RBMS3: variants seen among roughly 807,000 people sequenced by gnomAD.
The protein encoded by RBMS3 is RNA-binding motif, single-stranded-interacting protein 3.
In RBMS3, 27 loss-of-function variants were observed where a neutral mutation model predicts 66.8. The ratio of observed to expected loss-of-function variants is 0.40; its 90% CI spans 0.30 to 0.56. RBMS3 has a LOEUF of 0.56. Among genes scored for constraint, RBMS3 ranks in the 20% least tolerant of loss-of-function variants. The pLI, the probability that RBMS3 is intolerant of heterozygous loss-of-function variation, is 0.40. For synonymous variants in RBMS3, 188 were observed against 183.0 expected (o/e 1.03, Z -0.22); for missense variants, 513 against 549.5 (o/e 0.93, Z 0.66).
intron 1 of RBMS3, among the ~76,000 whole-genome samples, chr3:29,322,700 T>C (rs2035079239): frequency 6.6e-6 from 1 of 151,964 alleles, no homozygotes; most frequent in African/African-American, 2.4e-5. Context: ...AACCTCACTA[T>C]ATGCAAAGGA....
intron 6 of RBMS3, among the ~76,000 whole-genome samples, chr3:29,852,653 A>G (rs2058966088): frequency 6.6e-6 from 1 of 152,218 alleles, no homozygotes; most frequent in Non-Finnish European, 1.5e-5. Context: ...CTAAAAAGTC[A>G]AAATACAGCA....
intron 3 of RBMS3, among the ~76,000 whole-genome samples, chr3:29,536,634 G>A (rs777349484): frequency 9.9e-5 from 15 of 152,144 alleles, no homozygotes; most frequent in African/African-American, 1.2e-4. Flanking sequence ...TATGTTAGCC[G>A]TATTGCACAG....
chr3:29,542,496 G>T (rs1051594597), intron 3 of RBMS3, among the ~76,000 whole-genome samples: 1 of 152,266 alleles, frequency 6.6e-6, no homozygotes, highest in African/African-American at 2.4e-5. Flanking sequence ...GAGTAGCTGG[G>T]ATTACAAGCA....
intron 12 of RBMS3, among the ~76,000 whole-genome samples, chr3:29,945,894 G>T (rs1695272193): frequency 6.6e-6 from 1 of 151,628 alleles, no homozygotes; most frequent in African/African-American, 2.4e-5. Flanking sequence ...TTAAGAAACT[G>T]AATCTGAAAG....
intron 6 of RBMS3, among the ~76,000 whole-genome samples, chr3:29,858,871 C>G (rs533131080): frequency 6.6e-6 from 1 of 152,140 alleles, no homozygotes; most frequent in South Asian, 2.1e-4. Context: ...CTATTTAGGC[C>G]GTAATACAAT....
At chr3:29,497,300 C>A (rs993625088) in intron 3 of RBMS3, among the ~76,000 whole-genome samples, 1 of 152,102 alleles carries the variant, frequency 6.6e-6, no homozygotes, top group East Asian at 1.9e-4. Context: ...TGAGCCACTG[C>A]GCCTAGCCTG....
At chr3:29,454,920 A>C (rs1364695715) in intron 2 of RBMS3, among the ~76,000 whole-genome samples, 1 of 152,208 alleles carries the variant, frequency 6.6e-6, no homozygotes, top group Non-Finnish European at 1.5e-5. Context: ...TTATAATATT[A>C]GATCTGAGTG....
chr3:29,711,138 A>G (rs980829471), intron 4 of RBMS3, among the ~76,000 whole-genome samples: 1 of 152,218 alleles, frequency 6.6e-6, no homozygotes, highest in Non-Finnish European at 1.5e-5. Context: ...TAAATTAGGC[A>G]CAATAAGAGA....
intron 12 of RBMS3, among the ~76,000 whole-genome samples, chr3:29,952,511 G>A (rs1237188647): frequency 4.6e-5 from 7 of 151,646 alleles, no homozygotes; most frequent in East Asian, 1.9e-4. Flanking sequence ...GAAAGGGGAC[G>A]GTATATAATA....
chr3:29,340,311 T>A (rs2036210932), intron 1 of RBMS3, among the ~76,000 whole-genome samples: 1 of 152,148 alleles, frequency 6.6e-6, no homozygotes, highest in Non-Finnish European at 1.5e-5. Flanking sequence ...TTCATGCCCA[T>A]GAAGCTGGCC....
At chr3:29,571,943 C>T (rs2046967307) in intron 3 of RBMS3, among the ~76,000 whole-genome samples, 1 of 151,734 alleles carries the variant, frequency 6.6e-6, no homozygotes, top group African/African-American at 2.4e-5. Context: ...TTTGTGTCCT[C>T]TTCAATTTCT....
chr3:29,810,937 T>C (rs1465575334), intron 6 of RBMS3, among the ~76,000 whole-genome samples: 1 of 152,180 alleles, frequency 6.6e-6, no homozygotes, highest in Non-Finnish European at 1.5e-5. Flanking sequence ...ACTTTTGATG[T>C]ATGTATATTT....
chr3:29,564,574 TAAATG>T (rs965713974), intron 3 of RBMS3, among the ~76,000 whole-genome samples: 2 of 151,994 alleles, frequency 1.3e-5, no homozygotes, highest in African/African-American at 4.8e-5. Flanking sequence ...TTATAGGACT[TAAATG>T]AGATAAACTA....
At chr3:29,854,518 A>G (rs2059023695) in intron 6 of RBMS3, among the ~76,000 whole-genome samples, 1 of 152,174 alleles carries the variant, frequency 6.6e-6, no homozygotes, top group Non-Finnish European at 1.5e-5. Flanking sequence ...AGGTCTCAGG[A>G]TATGTCCGTT....
chr3:29,928,235 CAT>C lies in RBMS3; in HGVS notation c.940-7844_940-7843del, dbSNP rs1302408102. 1.8e-3 allele frequency among the ~76,000 whole-genome samples: 252 copies of C among 141,384 alleles called. 1 individual carries two copies. The highest frequency in any genetic ancestry group is 4.2e-3 in the South Asian group (19 of 4,482). 92.8% of individuals were successfully genotyped at this position (141,384 alleles called of 152,430 possible). On this transcript the variant is annotated intron_variant, in intron 10 of 14. Transcript: ENST00000383767. ...ATACACACACACACACACACACACA[CAT>C]ATATATGTATATATGCATACATATA...
chr3:29,959,045 C>T (rs562225021), intron 12 of RBMS3, among the ~76,000 whole-genome samples: 19 of 152,296 alleles, frequency 1.2e-4, no homozygotes, highest in African/African-American at 4.6e-4. Flanking sequence ...AGAAGTACCT[C>T]ATCCCATCTT....
chr3:29,966,136 A>G (rs1343512987), intron 12 of RBMS3, among the ~76,000 whole-genome samples: 1 of 152,062 alleles, frequency 6.6e-6, no homozygotes, highest in Non-Finnish European at 1.5e-5. Context: ...CTACGGCCTT[A>G]TAGTTTAAAA....
intron 1 of RBMS3, among the ~76,000 whole-genome samples, chr3:29,433,056 C>T (rs2041267562): frequency 6.6e-6 from 1 of 152,024 alleles, no homozygotes; most frequent in South Asian, 2.1e-4. Flanking sequence ...ATTTGGTCAG[C>T]AGCAGAAGTT....
intron 2 of RBMS3, among the ~76,000 whole-genome samples, chr3:29,452,939 C>T (rs9882501): frequency 0.091 from 13,920 of 152,156 alleles, 1,499 homozygotes; most frequent in African/African-American, 0.26. Flanking sequence ...GTCAAGTTTA[C>T]ATAGCCTGAA....
Sources: gnomAD v4.1 joint callset for allele counts (sites outside exome capture counted in the v4.1 genomes callset) on GRCh38, gnomAD v4.1.1 for gene constraint, MANE v1.5 for transcripts, NCBI Gene and HGNC (gene_info 2026-07-23, HGNC 2026-07-21) for gene names.